The following GRM1 variants were observed in gnomAD, a reference collection of about 807,000 sequenced individuals.
The protein encoded by GRM1 is metabotropic glutamate receptor 1.
A neutral mutation model predicts 90.9 loss-of-function variants in GRM1; 33 were observed. That is an observed-to-expected ratio of 0.36 (90% confidence interval 0.28 to 0.49). The LOEUF (loss-of-function observed/expected upper bound fraction) is 0.49, where lower values mean the gene tolerates loss of function less well. GRM1 is among the 20% of genes least tolerant of loss of function. GRM1 has a pLI of 0.99. For synonymous variants in GRM1, 700 were observed against 613.2 expected, an observed-to-expected ratio of 1.14 and a Z score of -2.09; for missense variants, 1,190 against 1,534.3, an observed-to-expected ratio of 0.78 and a Z score of 3.75.
intron 2 of GRM1, among the ~76,000 whole-genome samples, chr6:146,201,597 C>T (rs183329967): frequency 2.1e-3 from 313 of 152,284 alleles, no homozygotes; most frequent in African/African-American, 7.0e-3. Flanking sequence ...ACATTTATGA[C>T]CTAATTACTT....
intron 1 of GRM1, among the ~76,000 whole-genome samples, chr6:146,051,518 G>C (rs1775292590): frequency 6.6e-6 from 1 of 152,042 alleles, no homozygotes; most frequent in East Asian, 1.9e-4. Context: ...CCCATCCCTT[G>C]ACTGCTTTGC....
intron 3 of GRM1, among the ~76,000 whole-genome samples, chr6:146,321,775 A>C (rs1053556477): frequency 6.2e-4 from 95 of 152,254 alleles, no homozygotes; most frequent in African/African-American, 2.2e-3. Flanking sequence ...ATCAGAGACT[A>C]GGATTGCAAC....
intron 1 of GRM1, among the ~76,000 whole-genome samples, chr6:146,105,063 T>G (rs1777181729): frequency 6.6e-6 from 1 of 152,244 alleles, no homozygotes; most frequent in Non-Finnish European, 1.5e-5. Flanking sequence ...ACCTTTGGGC[T>G]GTATGTTTCT....
In GRM1 at chr6:146,426,717, C is replaced by G. The variant is rs1335730009; in HGVS notation, c.2661-7155C>G. ...TCTCCTGGGTTTTTCCACTTTCTAACATGGAAACAGATGTGGTGCATGCCA... is the reference window on the plus strand; with the variant it reads ...TCTCCTGGGTTTTTCCACTTTCTAAGATGGAAACAGATGTGGTGCATGCCA... On this transcript the variant is annotated intron_variant, in intron 7 of 7. Coordinates refer to ENST00000282753, the MANE Select transcript of GRM1 (RefSeq NM_001278064.2). 6.7e-6 allele frequency: 5 copies of G among 743,120 alleles called. No homozygotes were observed. The East Asian group carries it at 1.1e-4, about 16-fold the overall frequency. The allele number at this position is 743,120 out of a possible 1,614,324, so 46.0% of individuals were successfully genotyped here. A position where few individuals can be genotyped will look rare whatever the true frequency, so the allele number is the denominator to read the frequency against.
At chr6:146,349,251 T>TA (rs1562628800) in intron 3 of GRM1, among the ~76,000 whole-genome samples, 3 of 150,530 alleles carry the variant, frequency 2.0e-5, no homozygotes, top group South Asian at 2.1e-4. Flanking sequence ...TTTTTATTTT[T>TA]TTTTTATTTT....
intron 6 of GRM1, among the ~76,000 whole-genome samples, chr6:146,390,946 A>G (rs1262023886): frequency 6.6e-6 from 1 of 152,100 alleles, no homozygotes; most frequent in Non-Finnish European, 1.5e-5. Context: ...CTGAATTACA[A>G]ACAGAATTTC....
At chr6:146,147,559 A>G (rs879580352) in intron 1 of GRM1, among the ~76,000 whole-genome samples, 1 of 152,228 alleles carries the variant, frequency 6.6e-6, no homozygotes, top group Non-Finnish European at 1.5e-5. Flanking sequence ...TTAGTGAGAC[A>G]GAATGTTCAG....
chr6:146,206,336 T>C (rs533175433), intron 2 of GRM1, among the ~76,000 whole-genome samples: 5 of 152,284 alleles, frequency 3.3e-5, no homozygotes, highest in Non-Finnish European at 7.4e-5. Flanking sequence ...ACTTTGTTGC[T>C]AGATGCTCCC....
chr6:146,383,501 ATC>A (rs1487591700), intron 5 of GRM1, among the ~76,000 whole-genome samples: 2 of 152,148 alleles, frequency 1.3e-5, no homozygotes, highest in Non-Finnish European at 2.9e-5. Context: ...TAGAAAAGAT[ATC>A]TTTTATAATT....
At chr6:146,341,923 T>C (rs1259079224) in intron 3 of GRM1, among the ~76,000 whole-genome samples, 1 of 152,196 alleles carries the variant, frequency 6.6e-6, no homozygotes, top group Non-Finnish European at 1.5e-5. Context: ...CAACCATGAC[T>C]GTATGCCTGC....
chr6:146,139,055 A>C (rs1240236553), intron 1 of GRM1, among the ~76,000 whole-genome samples: 3 of 151,696 alleles, frequency 2.0e-5, no homozygotes, highest in Non-Finnish European at 2.9e-5. Context: ...GAAATTTTTC[A>C]ATTTTCTTCT....
At chr6:146,343,121 G>C (rs76326715) in intron 3 of GRM1, among the ~76,000 whole-genome samples, 2 of 151,904 alleles carry the variant, frequency 1.3e-5, no homozygotes. Flanking sequence ...TACTGGTCAG[G>C]TATTTTGTAG....
intron 1 of GRM1, among the ~76,000 whole-genome samples, chr6:146,048,361 A>G (rs1582925644): frequency 6.6e-6 from 1 of 152,168 alleles, no homozygotes; most frequent in South Asian, 2.1e-4. Flanking sequence ...TTACTGCCAT[A>G]ATAATGCCAT....
chr6:146,364,427 G>A (rs1272094522), intron 5 of GRM1, among the ~76,000 whole-genome samples: 1 of 152,100 alleles, frequency 6.6e-6, no homozygotes, highest in African/African-American at 2.4e-5. Flanking sequence ...TACCTGATTG[G>A]CACTGGCATA....
chr6:146,146,576 C>T (rs1777115841), intron 1 of GRM1, among the ~76,000 whole-genome samples: 1 of 152,066 alleles, frequency 6.6e-6, no homozygotes, highest in Non-Finnish European at 1.5e-5. Flanking sequence ...TGAACATCCC[C>T]TCTGAAACTA....
chr6:146,133,676 T>A (rs1776495698), intron 1 of GRM1, among the ~76,000 whole-genome samples: 1 of 152,212 alleles, frequency 6.6e-6, no homozygotes, highest in African/African-American at 2.4e-5. Context: ...GATCTAAGGA[T>A]GATCAAAGCA....
intron 1 of GRM1, among the ~76,000 whole-genome samples, chr6:146,069,331 TATTACATTAC>T (rs529464438): frequency 6.6e-6 from 1 of 152,160 alleles, no homozygotes; most frequent in Non-Finnish European, 1.5e-5. Flanking sequence ...GCAATGCTCA[TATTACATTAC>T]ATTACATTAC....
At chr6:146,273,245 G>A (rs1488766065) in intron 2 of GRM1, among the ~76,000 whole-genome samples, 3 of 152,102 alleles carry the variant, frequency 2.0e-5, no homozygotes, top group Non-Finnish European at 4.4e-5. Context: ...ATAGTATGGG[G>A]CTTCCTTGGT....
intron 5 of GRM1, chr6:146,365,409 T>A (rs1044623335): frequency 6.6e-6 from 1 of 152,242 alleles, no homozygotes; most frequent in Non-Finnish European, 1.5e-5. Flanking sequence ...GTCACTGAAC[T>A]TTTTTGTTAT....
Sources: gnomAD v4.1 joint callset for allele counts (sites outside exome capture counted in the v4.1 genomes callset) on GRCh38, gnomAD v4.1.1 for gene constraint, MANE v1.5 for transcripts, NCBI Gene and HGNC (gene_info 2026-07-23, HGNC 2026-07-21) for gene names.